The following CADM2 variants were observed in gnomAD, a reference collection of about 807,000 sequenced individuals.
CADM2 encodes cell adhesion molecule 2, also known as immunoglobulin superfamily member 4D.
CADM2 carries 12 observed loss-of-function variants against 49.8 expected under a neutral mutation model. That is an observed-to-expected ratio of 0.24 (90% CI 0.15 to 0.39). CADM2 has a LOEUF of 0.39. Ranked by LOEUF, CADM2 falls within the 10% of genes least tolerant of loss-of-function variation. CADM2 has a pLI of 1.00. For missense variants in CADM2, 378 were observed against 492.3 expected, an observed-to-expected ratio of 0.77 and a Z score of 2.20; for synonymous variants, 214 against 175.4, an observed-to-expected ratio of 1.22 and a Z score of -1.74.
intron 1 of CADM2, among the ~76,000 whole-genome samples, chr3:85,401,943 T>TA (rs2035132018): frequency 6.6e-6 from 1 of 152,222 alleles, no homozygotes; most frequent in Non-Finnish European, 1.5e-5. Flanking sequence ...TTTTATAGTT[T>TA]AACTGCCGTT....
intron 8 of CADM2, among the ~76,000 whole-genome samples, chr3:86,058,133 G>T (rs145809086): frequency 1.1e-4 from 16 of 152,246 alleles, no homozygotes; most frequent in Non-Finnish European, 2.1e-4. Context: ...CCATCAGACT[G>T]CCACCAGATT....
intron 7 of CADM2, among the ~76,000 whole-genome samples, chr3:85,941,238 T>A (rs1721854625): frequency 6.6e-6 from 1 of 152,032 alleles, no homozygotes; most frequent in Non-Finnish European, 1.5e-5. Flanking sequence ...CTCAGCAAGT[T>A]TCCAACTCAG....
chr3:85,490,253 A>G (rs1046002429), intron 1 of CADM2, among the ~76,000 whole-genome samples: 1 of 152,110 alleles, frequency 6.6e-6, no homozygotes, highest in African/African-American at 2.4e-5. Flanking sequence ...TTACACACCT[A>G]AGGTTATAGA....
At chr3:85,598,147 A>G (rs1460147356) in intron 1 of CADM2, among the ~76,000 whole-genome samples, 1 of 151,990 alleles carries the variant, frequency 6.6e-6, no homozygotes, top group Non-Finnish European at 1.5e-5. Context: ...CATTCCAGAC[A>G]TTGTGCTAAC....
chr3:86,045,101 A>G (rs1350015756), intron 8 of CADM2, among the ~76,000 whole-genome samples: 3 of 152,004 alleles, frequency 2.0e-5, no homozygotes, highest in Non-Finnish European at 2.9e-5. Flanking sequence ...AGATATACCT[A>G]ATGTTAAATG....
chr3:85,223,711 G>A (rs997740786), intron 1 of CADM2, among the ~76,000 whole-genome samples: 4 of 151,786 alleles, frequency 2.6e-5, no homozygotes, highest in East Asian at 1.9e-4. Flanking sequence ...CCATCAACTC[G>A]TCACTTACCT....
intron 8 of CADM2, among the ~76,000 whole-genome samples, chr3:85,975,620 C>T (rs1312046749): frequency 6.6e-6 from 1 of 151,564 alleles, no homozygotes; most frequent in East Asian, 1.9e-4. Flanking sequence ...AAAATACAAA[C>T]TACAAATATA....
intron 6 of CADM2, among the ~76,000 whole-genome samples, chr3:85,920,062 G>A (rs1718899296): frequency 6.6e-6 from 1 of 151,700 alleles, no homozygotes; most frequent in Non-Finnish European, 1.5e-5. Flanking sequence ...TCTAGCCCAG[G>A]TCAGTTTATT....
chr3:85,946,818 C>T (rs552152591), intron 7 of CADM2, among the ~76,000 whole-genome samples: 23 of 152,002 alleles, frequency 1.5e-4, no homozygotes, highest in Middle Eastern at 3.4e-3. Flanking sequence ...AAGACTTAAA[C>T]GTTAGACCTA....
At chr3:85,248,432 G>T (rs988290830) in intron 1 of CADM2, among the ~76,000 whole-genome samples, 7 of 151,936 alleles carry the variant, frequency 4.6e-5, no homozygotes, top group Non-Finnish European at 1.0e-4. Context: ...ACGCCACCAG[G>T]CCCAGCTAAT....
chr3:85,432,714 A>G (rs1439787906), intron 1 of CADM2, among the ~76,000 whole-genome samples: 1 of 152,180 alleles, frequency 6.6e-6, no homozygotes, highest in Non-Finnish European at 1.5e-5. Flanking sequence ...TCAGTAACAT[A>G]TATTTTCTAA....
chr3:85,321,131 T>TTTG (rs2044599403), intron 1 of CADM2, among the ~76,000 whole-genome samples: 1 of 13,100 alleles, frequency 7.6e-5, no homozygotes, highest in Non-Finnish European at 1.3e-4. Context: ...TTTTTTTTTT[T>TTTG]TTTTTTTTTT....
At chr3:85,908,976 G>A (rs71316819) in intron 5 of CADM2, among the ~76,000 whole-genome samples, 13,287 of 152,034 alleles carry the variant, frequency 0.087, 734 homozygotes, top group Non-Finnish European at 0.12. Context: ...CTCCCACCTC[G>A]GCCTCCCAAA....
intron 1 of CADM2, among the ~76,000 whole-genome samples, chr3:85,138,873 G>T (rs1389292164): frequency 1.3e-5 from 2 of 152,144 alleles, no homozygotes; most frequent in African/African-American, 4.8e-5. Context: ...AAACAAGGAT[G>T]AAGTATAGTA....
At chr3:85,234,616 C>T (rs766748124) in intron 1 of CADM2, among the ~76,000 whole-genome samples, 34 of 152,280 alleles carry the variant, frequency 2.2e-4, no homozygotes, top group Non-Finnish European at 4.9e-4. Context: ...ATCAAATCTT[C>T]TCCATATGTT....
intron 1 of CADM2, among the ~76,000 whole-genome samples, chr3:85,590,927 A>AT (rs144075169): frequency 0.081 from 12,130 of 148,836 alleles, 941 homozygotes; most frequent in African/African-American, 0.19. Context: ...TTGGAAACTC[A>AT]TTTTTTTTTT....
At chr3:85,959,434 A>G (rs770827367) in intron 7 of CADM2, among the ~76,000 whole-genome samples, 2 of 151,902 alleles carry the variant, frequency 1.3e-5, no homozygotes, top group Non-Finnish European at 2.9e-5. Flanking sequence ...GGTTGAAAGG[A>G]AAGTGGGACT....
intron 1 of CADM2, among the ~76,000 whole-genome samples, chr3:85,359,190 G>A (rs1427808804): frequency 6.6e-6 from 1 of 152,044 alleles, no homozygotes; most frequent in Admixed American, 6.6e-5. Flanking sequence ...ATTTCCCTGG[G>A]ACTAGAAGGC....
At chr3:85,247,551 G>C (rs1434609245) in intron 1 of CADM2, among the ~76,000 whole-genome samples, 1 of 152,032 alleles carries the variant, frequency 6.6e-6, no homozygotes, top group Admixed American at 6.6e-5. Flanking sequence ...TATCCAAAAT[G>C]ATATACTTCA....
Sources: gnomAD v4.1 joint callset for allele counts (sites outside exome capture counted in the v4.1 genomes callset) on GRCh38, gnomAD v4.1.1 for gene constraint, MANE v1.5 for transcripts, NCBI Gene and HGNC (gene_info 2026-07-23, HGNC 2026-07-21) for gene names.